The following TBC1D14 variants were observed in gnomAD, a reference collection of about 807,000 sequenced individuals.
The protein encoded by TBC1D14 is TBC1 domain family member 14, also known as TBC1 domain family, member 14.
Under a neutral mutation model 79.0 loss-of-function variants are expected in TBC1D14, and 26 were observed. The ratio of observed to expected loss-of-function variants is 0.33; its 90% CI spans 0.24 to 0.46. The LOEUF (loss-of-function observed/expected upper bound fraction) is 0.46, where lower values mean the gene tolerates loss of function less well. Ranked by LOEUF, TBC1D14 falls within the 20% of genes least tolerant of loss-of-function variation. TBC1D14 has a pLI of 1.00. For missense variants in TBC1D14, 769 were observed against 887.6 expected (o/e 0.87, Z 1.70); for synonymous variants, 394 against 349.9 (o/e 1.13, Z -1.40).
intron 1 of TBC1D14, among the ~76,000 whole-genome samples, chr4:6,916,017 T>C (rs1015236782): frequency 6.7e-6 from 1 of 150,274 alleles, no homozygotes; most frequent in Non-Finnish European, 1.5e-5. Context: ...TCCCAGCTAC[T>C]CGGGAGGCTA....
chr4:7,023,873 G>A (rs1200151745), intron 12 of TBC1D14, among the ~76,000 whole-genome samples: 1 of 152,208 alleles, frequency 6.6e-6, no homozygotes, highest in Non-Finnish European at 1.5e-5. Flanking sequence ...GTTCCTCTAG[G>A]TGCAGGTTTT....
chr4:6,915,367 A>C (rs1490743392), intron 1 of TBC1D14, among the ~76,000 whole-genome samples: 1 of 152,150 alleles, frequency 6.6e-6, no homozygotes, highest in East Asian at 1.9e-4. Context: ...GTTGGGGGTC[A>C]CTGCACCTGC....
intron 13 of TBC1D14, among the ~76,000 whole-genome samples, chr4:7,028,837 T>A (rs1418600252): frequency 6.6e-6 from 1 of 151,898 alleles, no homozygotes; most frequent in Non-Finnish European, 1.5e-5. Flanking sequence ...CTTTTTCTTT[T>A]TCCTTCTTTT....
intron 2 of TBC1D14, among the ~76,000 whole-genome samples, chr4:6,949,171 C>G (rs538600097): frequency 1.6e-4 from 25 of 151,616 alleles, no homozygotes; most frequent in African/African-American, 6.0e-4. Flanking sequence ...GAGAATCTGT[C>G]TCAAAAAAAA....
chr4:7,017,250 AG>A (rs2072522763), intron 12 of TBC1D14, among the ~76,000 whole-genome samples: 1 of 151,928 alleles, frequency 6.6e-6, no homozygotes, highest in South Asian at 2.1e-4. Context: ...CAGTGAGCCG[AG>A]ATCACACCAC....
At chr4:7,019,791 G>T (rs1294730947) in intron 12 of TBC1D14, among the ~76,000 whole-genome samples, 9 of 95,268 alleles carry the variant, frequency 9.4e-5, no homozygotes, top group Non-Finnish European at 1.5e-4. Context: ...ACAGAGGTGG[G>T]TATGTGAACC....
intron 3 of TBC1D14, among the ~76,000 whole-genome samples, chr4:6,993,643 C>G (rs1718727590): frequency 6.6e-6 from 1 of 152,188 alleles, no homozygotes. Flanking sequence ...TAATGAGATC[C>G]TTTGTTATTT....
At chr4:6,928,719 C>G (rs569815667) in intron 2 of TBC1D14, among the ~76,000 whole-genome samples, 1 of 152,234 alleles carries the variant, frequency 6.6e-6, no homozygotes, top group South Asian at 2.1e-4. Flanking sequence ...TGAAAGCTGA[C>G]TAATTCAAGT....
In TBC1D14 at chr4:7,006,616, T is replaced by G; in HGVS notation, c.1352-16T>G. On this transcript the variant is annotated splice_polypyrimidine_tract_variant and intron_variant, in intron 8 of 13. Coordinates refer to ENST00000409757, the MANE Select transcript of TBC1D14 (RefSeq NM_020773.3). ...TGCCCTTGAGGAATGTAATTATTTT[T>G]GGCATCTTTTGACAGATGCTGGTTT... 6.2e-7 allele frequency: 1 copy of G among 1,606,690 alleles called. No individual in the cohort carries two copies.
chr4:6,935,541 C>G (rs1712226982), intron 2 of TBC1D14, among the ~76,000 whole-genome samples: 1 of 152,028 alleles, frequency 6.6e-6, no homozygotes, highest in South Asian at 2.1e-4. Context: ...TTCCCTCTAT[C>G]TCTCCCTTTT....
chr4:6,961,245 C>T (rs576277692), intron 2 of TBC1D14, among the ~76,000 whole-genome samples: 10 of 152,252 alleles, frequency 6.6e-5, no homozygotes, highest in South Asian at 2.1e-4. Flanking sequence ...GTGGCCTGAT[C>T]CCTGACGGCC....
At chr4:6,910,118 T>G (rs1211978354) in intron 1 of TBC1D14, 167 bp downstream of exon 1, 1 of 150,660 alleles carries the variant, frequency 6.6e-6, no homozygotes, top group Non-Finnish European at 1.5e-5. Flanking sequence ...CCGCGGCTCC[T>G]GCACGCCAGG....
rs577107386 is a variant in TBC1D14 at position 7,000,579 on chromosome 4, G to A, written c.1164-566G>A. The stretch of plus-strand genomic sequence containing the variant: ...CCAGGCTGTTGGCAGTGTGTGTTCC[G>A]TGTCCCAGCAGAGCTGAAGGACTCT... On this transcript the variant is annotated intron_variant, in intron 6 of 13. Transcript: ENST00000409757. Among the ~76,000 whole-genome samples the A allele has an allele frequency of 9.2e-5, 14 of 152,338 alleles. No homozygotes were observed. The South Asian group carries it at 2.3e-3, about 25-fold the overall frequency.
At chr4:6,977,653 C>T (rs534474921) in intron 3 of TBC1D14, among the ~76,000 whole-genome samples, 14 of 146,826 alleles carry the variant, frequency 9.5e-5, no homozygotes, top group Admixed American at 2.7e-4. Context: ...TCTGCCCGGC[C>T]GCCATCCCAT....
At chr4:6,973,485 C>T (rs938493304) in intron 3 of TBC1D14, among the ~76,000 whole-genome samples, 7 of 152,104 alleles carry the variant, frequency 4.6e-5, no homozygotes, top group Admixed American at 6.5e-5. Context: ...CCAGGTTAGA[C>T]GGAATAAGCA....
At chr4:7,005,975 A>G (rs903012169) in intron 8 of TBC1D14, among the ~76,000 whole-genome samples, 5 of 152,322 alleles carry the variant, frequency 3.3e-5, no homozygotes, top group African/African-American at 1.2e-4. Context: ...TTTACTGATC[A>G]TTTTTACAGT....
intron 1 of TBC1D14, among the ~76,000 whole-genome samples, chr4:6,921,086 A>C (rs1025550092): frequency 4.6e-5 from 7 of 151,984 alleles, no homozygotes; most frequent in African/African-American, 1.7e-4. Context: ...GGCCATTTTA[A>C]AGAAAAATAA....
At chr4:6,942,682 C>T (rs1011539328) in intron 2 of TBC1D14, among the ~76,000 whole-genome samples, 5 of 152,078 alleles carry the variant, frequency 3.3e-5, no homozygotes, top group African/African-American at 9.7e-5. Flanking sequence ...AGGAGTGAGG[C>T]GGGGAAGGCG....
Position 6,943,899 on chromosome 4 carries a change from T to G in TBC1D14, c.722+19788T>G, listed in dbSNP as rs147902771. ...CTAAATATGTTTCTTTTAAATTCTA[T>G]GATTGTTCTGGGTCTTGAGAGCAGA... On this transcript the variant is annotated intron_variant, in intron 2 of 13. Transcript: ENST00000409757. Among the ~76,000 whole-genome samples, 531 of 152,266 alleles carry G rather than the reference T, an allele frequency of 3.5e-3. 3 individuals are homozygous for G. The highest frequency in any genetic ancestry group is 0.012 in the African/African-American group (485 of 41,508).
Sources: allele counts gnomAD v4.1 joint callset (sites outside exome capture counted in the v4.1 genomes callset), GRCh38; gene constraint gnomAD v4.1.1; transcripts MANE v1.5; gene names NCBI Gene and HGNC (gene_info 2026-07-23, HGNC 2026-07-21).